The following GPX5 variants were observed in gnomAD, a reference collection of about 807,000 sequenced individuals.
GPX5 encodes the protein epididymal secretory glutathione peroxidase.
Under a neutral mutation model 23.8 loss-of-function variants are expected in GPX5, and 20 were observed. The ratio of observed to expected loss-of-function variants is 0.84; its 90% CI spans 0.59 to 1.22. GPX5 has a LOEUF of 1.22. GPX5 is among the 50% of genes most tolerant of loss of function. GPX5 has a pLI of 0.00. For missense variants in GPX5, 230 were observed against 266.6 expected (o/e 0.86, Z 0.96); for synonymous variants, 92 against 99.5 (o/e 0.92, Z 0.45).
intron 1 of GPX5, chr6:28,527,808 C>T (rs184965771): frequency 6.6e-6 from 1 of 152,266 alleles, no homozygotes; most frequent in East Asian, 1.9e-4. Context: ...TCAGCATGTG[C>T]TGGTGAGCAC....
At chr6:28,526,214 C>T (rs971305872) in intron 1 of GPX5, 114 bp downstream of exon 1, 11 of 799,346 alleles carry the variant, frequency 1.4e-5, no homozygotes, top group Non-Finnish European at 2.3e-5. Flanking sequence ...TTTGCCAGTT[C>T]CCCTAAACCT....
At chr6:28,528,896 T>G (rs1763261057) in intron 1 of GPX5, among the ~76,000 whole-genome samples, 1 of 141,502 alleles carries the variant, frequency 7.1e-6, no homozygotes, top group East Asian at 2.1e-4. Context: ...AAGAGATGTT[T>G]TGATACAGAC....
intron 2 of GPX5, among the ~76,000 whole-genome samples, chr6:28,531,390 AAAAGAAAAG>A (rs1763316543): frequency 1.8e-5 from 1 of 55,690 alleles, no homozygotes; most frequent in South Asian, 6.8e-4. Flanking sequence ...AAAAAAAAAA[AAAAGAAAAG>A]AAAAGAAAAG....
intron 3 of GPX5, 120 bp from the exon 4 acceptor site, chr6:28,532,201 C>T: frequency 1.5e-6 from 1 of 682,538 alleles, no homozygotes; most frequent in East Asian, 2.8e-5. Context: ...CATATTCCTC[C>T]CCACCCACAA....
intron 3 of GPX5, 23 bp downstream of exon 3, chr6:28,531,918 ATAGGAGGCGCCTGTG>A (rs1562010742): frequency 1.3e-6 from 2 of 1,514,326 alleles, no homozygotes; most frequent in East Asian, 4.5e-5. Flanking sequence ...TTGAAATCCA[ATAGGAGGCGCCTGTG>A]TACCTTTCCT....
intron 1 of GPX5, among the ~76,000 whole-genome samples, chr6:28,529,140 G>A (rs895957489): frequency 6.7e-6 from 1 of 149,280 alleles, no homozygotes; most frequent in Non-Finnish European, 1.5e-5. Flanking sequence ...CACCCTCCTA[G>A]TATCTTTCCC....
At chr6:28,526,448 G>A (rs35901019) in intron 1 of GPX5, among the ~76,000 whole-genome samples, 6,401 of 152,238 alleles carry the variant, frequency 0.042, 224 homozygotes, top group Non-Finnish European at 0.073. Context: ...TGGGGACTGG[G>A]GTTTGGAGGA....
intron 2 of GPX5, among the ~76,000 whole-genome samples, chr6:28,531,174 T>A (rs1351673207): frequency 2.6e-5 from 4 of 151,382 alleles, no homozygotes; most frequent in South Asian, 4.2e-4. Flanking sequence ...AGAAGCTCAG[T>A]CCTGGCTAAC....
At position 28,526,118 on chromosome 6, in the gene GPX5, AG is replaced by A. The variant is rs775634163; in HGVS notation, c.87+21del. The stretch of plus-strand genomic sequence containing the variant: ...AGATGAAGGTGAGTGAGCTTCAGAG[AG>A]GGCATGGTAGTTACTCTTCTGTCCT... On this transcript the variant is annotated intron_variant, in intron 1 of 4. Coordinates refer to ENST00000412168, the MANE Select transcript of GPX5 (RefSeq NM_001509.3). The A allele has an allele frequency of 1.3e-6, 2 of 1,577,558 alleles. No homozygotes were observed. The highest frequency in any genetic ancestry group is 1.3e-5 in the African/African-American group (1 of 74,188).
At chr6:28,531,947 T>G in intron 3 of GPX5, 52 bp downstream of exon 3, 1 of 1,254,076 alleles carries the variant, frequency 8.0e-7, no homozygotes, top group Non-Finnish European at 1.2e-6. Context: ...CTTTCCTCAG[T>G]CTCCAGAGGC....
Position 28,534,157 on chromosome 6 carries a change from A to C in GPX5, c.656A>C (p.Lys219Thr). Residue 219 changes from lysine (K) to threonine (T), a missense_variant, in exon 5 of 5, where the codon AAA becomes ACA. Transcript: ENST00000412168. ...ATCCTGGCGTACTTGAAGCAATTCA[A>C]AACCAAATAGGAAGGTGGAGTTAAG... ...TDILAYLKQF[K>T]TK 1.3e-6 allele frequency: 2 copies of C among 1,588,218 alleles called. No individual in the cohort carries two copies. The highest frequency in any genetic ancestry group is 1.7e-6 in the Non-Finnish European group (2 of 1,168,482).
intron 4 of GPX5, among the ~76,000 whole-genome samples, chr6:28,533,045 C>T (rs1174369797): frequency 6.6e-6 from 1 of 152,094 alleles, no homozygotes; most frequent in Non-Finnish European, 1.5e-5. Flanking sequence ...TGCTTGAGCT[C>T]CGGAGCTGGA....
chr6:28,529,369 C>T, intron 1 of GPX5, 82 bp from the exon 2 acceptor site: 2 of 1,138,430 alleles, frequency 1.8e-6, no homozygotes, highest in Non-Finnish European at 2.5e-6. Flanking sequence ...TAGAACATAA[C>T]TATTCTTTGA....
intron 1 of GPX5, among the ~76,000 whole-genome samples, chr6:28,526,699 G>T (rs1406253574): frequency 6.6e-6 from 1 of 152,156 alleles, no homozygotes; most frequent in Non-Finnish European, 1.5e-5. Flanking sequence ...CATGTGTCTG[G>T]CAGCAGAAGG....
rs1763383877 is a variant in GPX5 at position 28,534,264 on chromosome 6, ACT to A, written c.*102_*103del. On this transcript the variant is annotated 3_prime_UTR_variant, in exon 5 of 5. Coordinates refer to ENST00000412168, the MANE Select transcript of GPX5 (RefSeq NM_001509.3). Reference sequence around the variant, plus strand: ...AAAGGAATACCCATCTTCTCACCACACTCTCTTCCTGCATGGGCTCCACCTGA... The same window carrying A: ...AAAGGAATACCCATCTTCTCACCACACTCTTCCTGCATGGGCTCCACCTGA... 8 of 780,458 alleles carry A rather than the reference ACT, an allele frequency of 1.0e-5. No homozygotes were observed. The highest frequency in any genetic ancestry group is 3.3e-5 in the Admixed American group (1 of 30,530). 48.3% of individuals were successfully genotyped at this position (780,458 alleles called of 1,614,324 possible). A position where few individuals can be genotyped will look rare whatever the true frequency, so the allele number is the denominator to read the frequency against.
chr6:28,529,387 G>C, intron 1 of GPX5, 64 bp from the exon 2 acceptor site: 1 of 1,313,810 alleles, frequency 7.6e-7, no homozygotes, highest in Non-Finnish European at 1.0e-6. Flanking sequence ...TGACTTCTTT[G>C]AAAGATTACA....
chr6:28,526,385 C>T (rs1462496462), intron 1 of GPX5, among the ~76,000 whole-genome samples: 4 of 152,176 alleles, frequency 2.6e-5, no homozygotes, highest in Non-Finnish European at 1.5e-5. Flanking sequence ...CCACATCAGT[C>T]TCTGCTTCAG....
chr6:28,525,958 T>C lies in GPX5; in HGVS notation c.-56T>C. On this transcript the variant is annotated 5_prime_UTR_variant, in exon 1 of 5. Transcript: ENST00000412168. Reference sequence around the variant, plus strand: ...AGTCCCTGCCAAGATACCAAAAGACTGCAGAGGTGGGCAAAGACCTCAGGC... The same window carrying C: ...AGTCCCTGCCAAGATACCAAAAGACCGCAGAGGTGGGCAAAGACCTCAGGC... The C allele has an allele frequency of 7.8e-7, 1 of 1,283,404 alleles. No homozygotes were observed. The highest frequency in any genetic ancestry group is 1.1e-6 in the Non-Finnish European group (1 of 880,218). The allele number at this position is 1,283,404 out of a possible 1,614,324, so 79.5% of individuals were successfully genotyped here. A position where few individuals can be genotyped will look rare whatever the true frequency, so the allele number is the denominator to read the frequency against.
rs781372024 is a variant in GPX5 at position 28,531,840 on chromosome 6, A to G, written c.304A>G (p.Asn102Asp). 58 of 1,613,936 alleles carry G rather than the reference A, an allele frequency of 3.6e-5. No individual in the cohort carries two copies. The highest frequency in any genetic ancestry group is 4.8e-5 in the Non-Finnish European group (57 of 1,179,952). Reference sequence around the variant, plus strand: ...TCTAGTTGTGTTGGGCTTTCCCTGCAACCAATTTGGAAAGCAAGAACCAGG... The same window carrying G: ...TCTAGTTGTGTTGGGCTTTCCCTGCGACCAATTTGGAAAGCAAGAACCAGG... ...YGLVVLGFPC[N>D]QFGKQEPGDN... The change falls in exon 3 of 5, where the codon AAC (asparagine) becomes GAC (aspartate). Residue 102 changes from asparagine (N) to aspartate (D), a missense_variant. Asn to Asp is a conservative substitution (Grantham distance 23). Transcript: ENST00000412168.
Sources: allele counts gnomAD v4.1 joint callset (sites outside exome capture counted in the v4.1 genomes callset), GRCh38; gene constraint gnomAD v4.1.1; transcripts MANE v1.5; gene names NCBI Gene and HGNC (gene_info 2026-07-23, HGNC 2026-07-21).